Variants in ZRANB3 observed in about 807,000 individuals in gnomAD.
ZRANB3 encodes DNA annealing helicase and endonuclease ZRANB3.
Under a neutral mutation model 133.8 loss-of-function variants are expected in ZRANB3, and 125 were observed. The ratio of observed to expected loss-of-function variants is 0.93; its 90% CI spans 0.81 to 1.08. The LOEUF is 1.08. Ranked by LOEUF, ZRANB3 falls within the 50% of genes least tolerant of loss-of-function variation. The probability of loss-of-function intolerance (pLI) is 0.00; values close to 1 mark genes in which losing one functional copy is unlikely to be tolerated. For synonymous variants in ZRANB3, 387 were observed against 432.7 expected (o/e 0.89, Z 1.31); for missense variants, 1,229 against 1,275.5 (o/e 0.96, Z 0.56).
rs1319456018 is a variant in ZRANB3, at chr2:135,197,057, G to A, written c.*3285C>T. 2.0e-5 allele frequency: 3 copies of A among 152,130 alleles called. No individual in the cohort carries two copies. Among genetic ancestry groups the A allele is most frequent in the Non-Finnish European group, 2.9e-5 (2 of 68,018 alleles). The allele number at this position is 152,130 out of a possible 1,614,324, so 9.4% of individuals were successfully genotyped here. On this transcript the variant is annotated 3_prime_UTR_variant, in exon 21 of 21. Coordinates refer to ENST00000264159, the MANE Select transcript of ZRANB3 (RefSeq NM_032143.4). Reference sequence around the variant, plus strand: ...CCAGGGTGGCAAAAACACCCTTAACGATATAAAGCAACTGACAAACTTGAG... The same window carrying A: ...CCAGGGTGGCAAAAACACCCTTAACAATATAAAGCAACTGACAAACTTGAG...
intron 8 of ZRANB3, among the ~76,000 whole-genome samples, chr2:135,290,680 C>A (rs752372220): frequency 1.3e-5 from 2 of 151,746 alleles, no homozygotes; most frequent in Non-Finnish European, 2.9e-5. Flanking sequence ...CCTCCACCCC[C>A]ACCCCATTGT....
intron 2 of ZRANB3, among the ~76,000 whole-genome samples, chr2:135,405,615 A>G (rs112329925): frequency 6.6e-6 from 1 of 152,236 alleles, no homozygotes; most frequent in East Asian, 1.9e-4. Context: ...ATTATAACAA[A>G]CTCTCTCTCA....
chr2:135,314,026 A>G (rs767038729), intron 7 of ZRANB3, among the ~76,000 whole-genome samples: 3 of 152,080 alleles, frequency 2.0e-5, no homozygotes, highest in Non-Finnish European at 4.4e-5. Flanking sequence ...CACCACGCCC[A>G]GCTAATTTTG....
chr2:135,497,835 C>T (rs12329374), intron 2 of ZRANB3, among the ~76,000 whole-genome samples: 4,848 of 152,064 alleles, frequency 0.032, 250 homozygotes, highest in African/African-American at 0.11. Context: ...GACAGATCAA[C>T]GGAGGTCAGG....
chr2:135,463,637 G>A (rs367822904), intron 2 of ZRANB3, among the ~76,000 whole-genome samples: 4 of 151,880 alleles, frequency 2.6e-5, no homozygotes, highest in South Asian at 4.2e-4. Flanking sequence ...GGCTGATCTC[G>A]AACTCCTGAC....
At chr2:135,256,103 C>G (rs1440758034) in intron 12 of ZRANB3, among the ~76,000 whole-genome samples, 3 of 151,722 alleles carry the variant, frequency 2.0e-5, no homozygotes, top group African/African-American at 7.3e-5. Context: ...TTTATAAAAA[C>G]AGGGTTTTGC....
intron 3 of ZRANB3, among the ~76,000 whole-genome samples, chr2:135,354,934 AC>A (rs1348795603): frequency 6.6e-6 from 1 of 152,176 alleles, no homozygotes; most frequent in African/African-American, 2.4e-5. Flanking sequence ...AATAATCCTT[AC>A]TTTTTTAGTA....
chr2:135,410,428 G>C (rs1688253439), intron 2 of ZRANB3, among the ~76,000 whole-genome samples: 1 of 152,162 alleles, frequency 6.6e-6, no homozygotes, highest in Non-Finnish European at 1.5e-5. Flanking sequence ...TAACTGTCTA[G>C]CCATATGCAG....
intron 2 of ZRANB3, among the ~76,000 whole-genome samples, chr2:135,447,527 T>A (rs1246432255): frequency 6.6e-6 from 1 of 152,230 alleles, no homozygotes; most frequent in South Asian, 2.1e-4. Context: ...ATCTGCTTCT[T>A]CTGAGGACAG....
chr2:135,254,576 G>A (rs960061311), intron 12 of ZRANB3, among the ~76,000 whole-genome samples: 2 of 151,588 alleles, frequency 1.3e-5, no homozygotes, highest in African/African-American at 4.9e-5. Flanking sequence ...TCATACTACT[G>A]CACTCCAGAC....
At chr2:135,260,202 T>C (rs1679888455) in intron 12 of ZRANB3, among the ~76,000 whole-genome samples, 1 of 152,140 alleles carries the variant, frequency 6.6e-6, no homozygotes, top group African/African-American at 2.4e-5. Context: ...GAAGCCACTG[T>C]AGAGAAATCA....
At chr2:135,429,846 A>G (rs1689243240) in intron 2 of ZRANB3, among the ~76,000 whole-genome samples, 1 of 152,224 alleles carries the variant, frequency 6.6e-6, no homozygotes, top group Non-Finnish European at 1.5e-5. Flanking sequence ...GATAAAAAAC[A>G]AAAGTAAAGT....
intron 8 of ZRANB3, among the ~76,000 whole-genome samples, chr2:135,293,416 G>A (rs1332082932): frequency 1.3e-5 from 2 of 152,030 alleles, no homozygotes; most frequent in Admixed American, 1.3e-4. Context: ...TGGTGTATAA[G>A]AATGCTTGTG....
At chr2:135,450,599 C>T (rs13408700) in intron 2 of ZRANB3, among the ~76,000 whole-genome samples, 1 of 151,958 alleles carries the variant, frequency 6.6e-6, no homozygotes, top group Non-Finnish European at 1.5e-5. Flanking sequence ...GAGTAACAGA[C>T]TGGATTTAAC....
At chr2:135,404,014 GA>G (rs1163392981) in intron 2 of ZRANB3, among the ~76,000 whole-genome samples, 2 of 152,154 alleles carry the variant, frequency 1.3e-5, no homozygotes, top group African/African-American at 4.8e-5. Context: ...AAACAGAGCA[GA>G]AAAACTGGAA....
chr2:135,410,298 A>C (rs74981496), intron 2 of ZRANB3, among the ~76,000 whole-genome samples: 1 of 152,176 alleles, frequency 6.6e-6, no homozygotes. Flanking sequence ...ACATAGACCA[A>C]TGGAACAGGA....
At chr2:135,437,541 A>G (rs1031692471) in intron 2 of ZRANB3, among the ~76,000 whole-genome samples, 2 of 152,208 alleles carry the variant, frequency 1.3e-5, no homozygotes, top group Non-Finnish European at 2.9e-5. Context: ...TTATACAGGA[A>G]TGTTCCATTT....
At chr2:135,303,727 A>T (rs1165302638) in intron 8 of ZRANB3, among the ~76,000 whole-genome samples, 1 of 152,204 alleles carries the variant, frequency 6.6e-6, no homozygotes, top group Non-Finnish European at 1.5e-5. Context: ...ATTGAATATA[A>T]AAATTTACAG....
intron 2 of ZRANB3, among the ~76,000 whole-genome samples, chr2:135,474,600 A>C (rs1456371289): frequency 1.3e-5 from 2 of 152,074 alleles, no homozygotes; most frequent in Admixed American, 6.6e-5. Flanking sequence ...CCATGAGTAA[A>C]AGCTTTGTGA....
Sources: gnomAD v4.1 joint callset for allele counts (sites outside exome capture counted in the v4.1 genomes callset) on GRCh38, gnomAD v4.1.1 for gene constraint, MANE v1.5 for transcripts, NCBI Gene and HGNC (gene_info 2026-07-23, HGNC 2026-07-21) for gene names.